SI: variants seen among roughly 807,000 people sequenced by gnomAD.
The protein encoded by SI is sucrase-isomaltase, also known as sucrase-isomaltase, intestinal.
Under a neutral mutation model 253.3 loss-of-function variants are expected in SI, and 235 were observed. The ratio of observed to expected loss-of-function variants is 0.93; its 90% CI spans 0.83 to 1.03. The LOEUF is 1.03. Among genes scored for constraint, SI ranks in the 50% least tolerant of loss-of-function variants. The pLI is 0.00. For missense variants in SI, 2,442 were observed against 2,211.1 expected (o/e 1.10, Z -2.09); for synonymous variants, 819 against 712.0 (o/e 1.15, Z -2.39).
chr3:165,079,037 T>TA (rs1375413777), upstream of SI, among the ~76,000 whole-genome samples: 1 of 151,622 alleles, frequency 6.6e-6, no homozygotes, highest in African/African-American at 2.4e-5. Context: ...AATTTAGAGA[T>TA]AAAATCAACA....
At chr3:165,058,566 C>CA (rs1713815416) in intron 12 of SI, among the ~76,000 whole-genome samples, 1 of 151,612 alleles carries the variant, frequency 6.6e-6, no homozygotes, top group Non-Finnish European at 1.5e-5. Flanking sequence ...CCCAAATAAA[C>CA]AAAATCAGTG....
In SI at chr3:164,987,159, A is replaced by C; in HGVS notation, c.5176T>G (p.Trp1726Gly). The C allele has an allele frequency of 6.2e-7, 1 of 1,613,504 alleles. No individual in the cohort carries two copies. Among genetic ancestry groups the C allele is most frequent in the South Asian group, 1.1e-5 (1 of 91,076 alleles). Residue 1726 changes from tryptophan (W) to glycine (G), a missense_variant, in exon 45 of 48, where the codon TGG becomes GGG. Physicochemically the swap from Trp to Gly is radical, Grantham distance 184 (BLOSUM62 -2). Transcript: ENST00000264382. ...DNQMAQGSLF[W>G]DDGESIDTYE... ...TCACCTATACTCTCTCCATCATCCC[A>C]AAACAGAGAACCCTGTGCCATCTGA...
chr3:164,984,652 A>G (rs1320799915), intron 45 of SI, among the ~76,000 whole-genome samples: 1 of 152,190 alleles, frequency 6.6e-6, no homozygotes, highest in Non-Finnish European at 1.5e-5. Context: ...TTAACATTTT[A>G]CTAAGCTATA....
intron 23 of SI, among the ~76,000 whole-genome samples, 179 bp from the exon 24 acceptor site, chr3:165,032,871 A>G (rs1300484327): frequency 6.6e-6 from 1 of 151,496 alleles, no homozygotes; most frequent in Non-Finnish European, 1.5e-5. Context: ...TTTTATATAT[A>G]TGCCAGAAAA....
intron 41 of SI, among the ~76,000 whole-genome samples, chr3:164,993,602 G>GT (rs142079076): frequency 2.0e-5 from 3 of 151,348 alleles, no homozygotes; most frequent in Non-Finnish European, 3.0e-5. Flanking sequence ...ATTATTCGGG[G>GT]TTTTTTTGTT....
Position 165,030,825 on chromosome 3 carries a change from A to C in SI, c.2779T>G (p.Phe927Val), listed in dbSNP as rs531634995. The C allele has an allele frequency of 6.3e-7, 1 of 1,590,758 alleles. No individual in the cohort carries two copies. The highest frequency in any genetic ancestry group is 2.3e-5 in the East Asian group (1 of 43,504). Residue 927 changes from phenylalanine to valine, a missense_variant, in exon 25 of 48, where the codon TTT becomes GTT. Physicochemically the swap from Phe to Val is conservative, Grantham distance 50. Transcript: ENST00000264382. ...ADLKLNLGRN[F>V]SVQWNQIFSE... ...AAAATTTGATTCCATTGAACACTAAAGTTTCTTCCAAGATTAAGTTTGAGA... is the reference window on the plus strand; with the variant it reads ...AAAATTTGATTCCATTGAACACTAACGTTTCTTCCAAGATTAAGTTTGAGA...
At chr3:165,012,415 T>G (rs1278516948) in intron 34 of SI, among the ~76,000 whole-genome samples, 1 of 151,996 alleles carries the variant, frequency 6.6e-6, no homozygotes, top group Non-Finnish European at 1.5e-5. Context: ...CTGTAATAAT[T>G]TTTTGTCGTT....
chr3:165,058,899 G>GC, intron 12 of SI, 64 bp downstream of exon 12: 1 of 1,051,962 alleles, frequency 9.5e-7, no homozygotes, highest in Non-Finnish European at 1.4e-6. Context: ...CACATCCACA[G>GC]AAACTTTATT....
intron 22 of SI, 87 bp from the exon 23 acceptor site, chr3:165,033,531 T>C: frequency 8.1e-7 from 1 of 1,227,792 alleles, no homozygotes; most frequent in Non-Finnish European, 1.0e-6. Context: ...TTAAGAAATT[T>C]GAACAAACTA....
Position 165,017,756 on chromosome 3 carries a change from CA to C in SI, c.3633+4del. 1 of 1,607,302 alleles carries C rather than the reference CA, an allele frequency of 6.2e-7. No homozygotes were observed. Among genetic ancestry groups the C allele is most frequent in the Non-Finnish European group, 8.5e-7 (1 of 1,174,736 alleles). ...AATTTTTTTAAAAGAAATATGCAAT[CA>C]TACTTCATGGTATTGCTTTGTTGCA... On this transcript the variant is annotated splice_donor_region_variant and intron_variant, in intron 30 of 47. Transcript: ENST00000264382.
chr3:165,024,789 T>A (rs564897819), intron 25 of SI, among the ~76,000 whole-genome samples: 1 of 151,436 alleles, frequency 6.6e-6, no homozygotes, highest in East Asian at 1.9e-4. Context: ...GTTCTATTTT[T>A]TCTGCTTTCT....
intron 37 of SI, among the ~76,000 whole-genome samples, chr3:165,003,049 A>G (rs1718328913): frequency 6.6e-6 from 1 of 151,858 alleles, no homozygotes; most frequent in Non-Finnish European, 1.5e-5. Context: ...ATCTCTGCAT[A>G]TGGACTATTT....
In SI at chr3:165,015,185, T is replaced by C. The variant is rs763639584; in HGVS notation, c.3937A>G (p.Arg1313Gly). 2 of 1,613,584 alleles carry C rather than the reference T, an allele frequency of 1.2e-6. No homozygotes were observed. Among genetic ancestry groups the C allele is most frequent in the East Asian group, 2.2e-5 (1 of 44,710 alleles). ...ACAAAGACATCATTCTGCTGTCCTCTTTCAAATGCAGGGTAAGTCTTTGTT... is the reference window on the plus strand; with the variant it reads ...ACAAAGACATCATTCTGCTGTCCTCCTTCAAATGCAGGGTAAGTCTTTGTT... Reference protein sequence around the residue: ...NETKTYPAFERGQQNDVFVKW... With the variant: ...NETKTYPAFEGGQQNDVFVKW... Residue 1313 changes from arginine to glycine, a missense_variant, in exon 33 of 48, where the codon AGA becomes GGA. Transcript: ENST00000264382.
At chr3:165,082,933 G>T (rs927250627), upstream of SI, among the ~76,000 whole-genome samples, 1 of 151,940 alleles carries the variant, frequency 6.6e-6, no homozygotes, top group Admixed American at 6.6e-5. Context: ...CTAGAGAAAG[G>T]AAGGCTAGCT....
intron 40 of SI, among the ~76,000 whole-genome samples, chr3:164,994,764 G>A (rs978037212): frequency 2.3e-4 from 35 of 151,670 alleles, no homozygotes; most frequent in African/African-American, 7.5e-4. Context: ...ATCCAAAGTC[G>A]ATTGAAATAA....
chr3:165,029,591 T>TATATATATAC (rs1236921124), intron 25 of SI, among the ~76,000 whole-genome samples: 1 of 145,534 alleles, frequency 6.9e-6, no homozygotes, highest in Admixed American at 7.0e-5. Context: ...CATATATATG[T>TATATATATAC]ATATATATAC....
intron 13 of SI, among the ~76,000 whole-genome samples, chr3:165,050,113 A>T (rs1236176570): frequency 1.3e-5 from 2 of 152,116 alleles, no homozygotes; most frequent in African/African-American, 4.8e-5. Flanking sequence ...TCTAGTTTTG[A>T]TTATATATAA....
chr3:165,022,810 C>A (rs768830051), intron 26 of SI, among the ~76,000 whole-genome samples: 5 of 151,578 alleles, frequency 3.3e-5, no homozygotes, highest in Non-Finnish European at 7.4e-5. Context: ...AGATATTTCA[C>A]TAAGATTTAT....
At chr3:165,073,323 G>T (rs1714721095) in intron 3 of SI, among the ~76,000 whole-genome samples, 1 of 151,772 alleles carries the variant, frequency 6.6e-6, no homozygotes. Flanking sequence ...TGCAAGCTCT[G>T]CCTAAGAAGG....
Sources: gnomAD v4.1 joint callset for allele counts (sites outside exome capture counted in the v4.1 genomes callset) on GRCh38, gnomAD v4.1.1 for gene constraint, MANE v1.5 for transcripts, NCBI Gene and HGNC (gene_info 2026-07-23, HGNC 2026-07-21) for gene names.